The following CDC14A variants were observed in gnomAD, a reference collection of about 807,000 sequenced individuals.
The protein encoded by CDC14A is dual specificity protein phosphatase CDC14A.
A neutral mutation model predicts 74.4 loss-of-function variants in CDC14A; 53 were observed. That is an observed-to-expected ratio of 0.71 (90% CI 0.57 to 0.89). CDC14A has a LOEUF of 0.89. Ranked by LOEUF, CDC14A falls within the 40% of genes least tolerant of loss-of-function variation. CDC14A has a pLI of 0.00. For synonymous variants in CDC14A, 247 were observed against 258.4 expected (o/e 0.96, Z 0.43); for missense variants, 646 against 713.7 (o/e 0.91, Z 1.08).
At chr1:100,375,906 C>T (rs933797130) in intron 2 of CDC14A, among the ~76,000 whole-genome samples, 8 of 152,172 alleles carry the variant, frequency 5.3e-5, no homozygotes, top group Non-Finnish European at 8.8e-5. Context: ...CCCAAATGCC[C>T]ATCAATGATA....
At chr1:100,463,153 A>G (rs528131596) in intron 9 of CDC14A, among the ~76,000 whole-genome samples, 4 of 152,326 alleles carry the variant, frequency 2.6e-5, no homozygotes, top group African/African-American at 9.6e-5. Flanking sequence ...GGGGAAACAC[A>G]GTAGCAGTGT....
In CDC14A at chr1:100,392,977, A is replaced by G. The variant is rs912666951; in HGVS notation, c.309+2153A>G. 4.0e-5 allele frequency: 46 copies of G among 1,161,218 alleles called. 1 individual carries two copies. Among genetic ancestry groups the G allele is most frequent in the Non-Finnish European group, 5.2e-5 (42 of 814,542 alleles). 71.9% of individuals were successfully genotyped at this position (1,161,218 alleles called of 1,614,324 possible). ...TTGCTGTTGTCCTTAACAGTTCATT[A>G]AAAGTTCAGATGCCTTTTGTGAGAG... On this transcript the variant is annotated intron_variant, in intron 4 of 15. Transcript: ENST00000336454.
At chr1:100,441,402 C>T (rs912919882) in intron 6 of CDC14A, among the ~76,000 whole-genome samples, 4 of 152,128 alleles carry the variant, frequency 2.6e-5, no homozygotes, top group South Asian at 2.1e-4. Context: ...TGTGTGGCAA[C>T]GAGTAGTACC....
intron 10 of CDC14A, among the ~76,000 whole-genome samples, chr1:100,475,680 G>C (rs1418305042): frequency 6.6e-6 from 1 of 152,134 alleles, no homozygotes; most frequent in Non-Finnish European, 1.5e-5. Context: ...GGAGGTGGGA[G>C]TTCTAGTTTT....
In CDC14A at chr1:100,484,774, T is replaced by C. The variant is rs368213091; in HGVS notation, c.1137+323T>C. On this transcript the variant is annotated intron_variant, in intron 11 of 15. Coordinates refer to ENST00000336454, the MANE Select transcript of CDC14A (RefSeq NM_003672.4). The stretch of plus-strand genomic sequence containing the variant: ...AAGAAGAAAAATTTTAATGTGACAA[T>C]TGAGGAAATAATACATACCACAAGT... The C allele has an allele frequency of 5.9e-5, 59 of 992,706 alleles. No homozygotes were observed. The African/African-American group carries it at 9.5e-4, about 16-fold the overall frequency. 61.5% of individuals were successfully genotyped at this position (992,706 alleles called of 1,614,324 possible). A position where few individuals can be genotyped will look rare whatever the true frequency, so the allele number is the denominator to read the frequency against.
At position 100,352,561 on chromosome 1, in the gene CDC14A, C is replaced by T; in HGVS notation, c.-394C>T. Reference sequence around the variant, plus strand: ...GTCCTCCCGGCTGCCGCTCGAGTAGCCACGGGCGCGATCGGGACCAGAAGT... The same window carrying T: ...GTCCTCCCGGCTGCCGCTCGAGTAGTCACGGGCGCGATCGGGACCAGAAGT... On this transcript the variant is annotated 5_prime_UTR_variant, in exon 1 of 16. Coordinates refer to ENST00000336454, the MANE Select transcript of CDC14A (RefSeq NM_003672.4). 15 of 1,045,260 alleles carry T rather than the reference C, an allele frequency of 1.4e-5. No homozygotes were observed. The highest frequency in any genetic ancestry group is 1.7e-5 in the Non-Finnish European group (15 of 868,848). 64.7% of individuals were successfully genotyped at this position (1,045,260 alleles called of 1,614,324 possible).
intron 15 of CDC14A, among the ~76,000 whole-genome samples, chr1:100,515,418 GT>G (rs1650121906): frequency 7.2e-6 from 1 of 139,384 alleles, no homozygotes; most frequent in Non-Finnish European, 1.5e-5. Flanking sequence ...GAGTTTTGCT[GT>G]GTCACCCAGG....
intron 2 of CDC14A, among the ~76,000 whole-genome samples, chr1:100,365,664 A>T (rs1003107680): frequency 6.6e-6 from 1 of 152,092 alleles, no homozygotes; most frequent in Non-Finnish European, 1.5e-5. Flanking sequence ...GATGTGCAGC[A>T]ACTCTTCCCC....
rs187340760 is a variant in CDC14A at position 100,453,145 on chromosome 1, A to G, written c.520-2260A>G. ...TGAATATAACCCAATATTATCTACT[A>G]TTTATCTTTTTGGGTAGGAGGATTT... is the stretch of plus-strand genomic sequence containing the variant. On this transcript the variant is annotated intron_variant, in intron 7 of 15. Transcript: ENST00000336454. 2.6e-3 allele frequency among the ~76,000 whole-genome samples: 398 copies of G among 152,150 alleles called. 1 individual carries two copies. Among genetic ancestry groups the G allele is most frequent in the Non-Finnish European group, 4.6e-3 (314 of 67,976 alleles).
chr1:100,352,783 C>G lies in CDC14A; in HGVS notation c.-172C>G, dbSNP rs1288365187. ...CCCCTCGGAATGTCCCCGGGGCGCC[C>G]GGCGCGCTGACCCCGAAGCCGCCTC... On this transcript the variant is annotated 5_prime_UTR_variant, in exon 1 of 16. Coordinates refer to ENST00000336454, the MANE Select transcript of CDC14A (RefSeq NM_003672.4). The G allele has an allele frequency of 1.4e-6, 2 of 1,424,658 alleles. No individual in the cohort carries two copies. The highest frequency in any genetic ancestry group is 1.8e-6 in the Non-Finnish European group (2 of 1,096,128). The allele number at this position is 1,424,658 out of a possible 1,614,324, so 88.3% of individuals were successfully genotyped here.
intron 1 of CDC14A, among the ~76,000 whole-genome samples, chr1:100,353,411 G>A (rs990982250): frequency 1.3e-5 from 2 of 152,010 alleles, no homozygotes; most frequent in Non-Finnish European, 2.9e-5. Context: ...AAGCTGCGTC[G>A]GGAGGCTCAC....
intron 8 of CDC14A, among the ~76,000 whole-genome samples, chr1:100,456,828 C>T (rs536909100): frequency 6.6e-6 from 1 of 152,204 alleles, no homozygotes; most frequent in South Asian, 2.1e-4. Context: ...AATGGGCAAT[C>T]CAGGTCTAGA....
intron 2 of CDC14A, among the ~76,000 whole-genome samples, chr1:100,355,148 G>A (rs944080747): frequency 3.9e-5 from 6 of 152,320 alleles, no homozygotes; most frequent in African/African-American, 9.6e-5. Flanking sequence ...AGTTATGTGC[G>A]GCTGTGTACC....
At chr1:100,504,862 C>A (rs954793631) in intron 15 of CDC14A, 5 of 1,535,574 alleles carry the variant, frequency 3.3e-6, no homozygotes, top group East Asian at 2.4e-5. Flanking sequence ...TGGAAGCCCC[C>A]TGCTCTCCTT....
Position 100,502,761 on chromosome 1 carries a change from A to C in CDC14A, c.1755+3499A>C, listed in dbSNP as rs543460073. On this transcript the variant is annotated intron_variant, in intron 15 of 15. Transcript: ENST00000336454. ...AGACAATTGTTAATCTCCCCTAATGATGTTTACATAACTTGATTTGGGTCT... is the reference window on the plus strand; with the variant it reads ...AGACAATTGTTAATCTCCCCTAATGCTGTTTACATAACTTGATTTGGGTCT... Among the ~76,000 whole-genome samples the C allele has an allele frequency of 5.9e-5, 9 of 152,278 alleles. No individual in the cohort carries two copies. The South Asian group carries it at 1.9e-3, about 32-fold the overall frequency.
chr1:100,408,457 G>A (rs112133061), intron 4 of CDC14A, among the ~76,000 whole-genome samples: 10 of 152,236 alleles, frequency 6.6e-5, no homozygotes, highest in African/African-American at 2.4e-4. Context: ...TGGGTTGAAT[G>A]GTATTTCTGT....
intron 4 of CDC14A, among the ~76,000 whole-genome samples, chr1:100,392,033 A>C (rs929184196): frequency 1.3e-5 from 2 of 152,354 alleles, no homozygotes; most frequent in Middle Eastern, 3.4e-3. Context: ...GTGATGATGC[A>C]CTTTATCTCT....
At chr1:100,432,359 T>C (rs1203946891) in intron 5 of CDC14A, among the ~76,000 whole-genome samples, 1 of 152,262 alleles carries the variant, frequency 6.6e-6, no homozygotes, top group African/African-American at 2.4e-5. Flanking sequence ...ATTGTCTAGC[T>C]CTGAAGTATA....
intron 15 of CDC14A, among the ~76,000 whole-genome samples, chr1:100,510,880 T>C (rs1453195619): frequency 6.6e-6 from 1 of 152,200 alleles, no homozygotes; most frequent in African/African-American, 2.4e-5. Flanking sequence ...TTAACATTTT[T>C]CACCAACACA....
Sources: allele counts gnomAD v4.1 joint callset (sites outside exome capture counted in the v4.1 genomes callset), GRCh38; gene constraint gnomAD v4.1.1; transcripts MANE v1.5; gene names NCBI Gene and HGNC (gene_info 2026-07-23, HGNC 2026-07-21).